The following ATM variants were observed in gnomAD, a reference collection of about 807,000 sequenced individuals.
ATM encodes the protein serine-protein kinase ATM.
Under a neutral mutation model 387.0 loss-of-function variants are expected in ATM, and 308 were observed. That is an observed-to-expected ratio of 0.80 (90% confidence interval 0.73 to 0.87). The LOEUF (loss-of-function observed/expected upper bound fraction) is 0.87, where lower values mean the gene tolerates loss of function less well. ATM is among the 40% of genes least tolerant of loss of function. The pLI is 0.00. For synonymous variants in ATM, 1,156 were observed against 1,187.3 expected (o/e 0.97, Z 0.54); for missense variants, 3,312 against 3,560.9 (o/e 0.93, Z 1.78).
rs1457287827 is a variant in ATM at position 108,366,698 on chromosome 11, G to A, written c.*1190G>A. On this transcript the variant is annotated 3_prime_UTR_variant, in exon 63 of 63. Coordinates refer to ENST00000675843, the MANE Select transcript of ATM (RefSeq NM_000051.4). ...CTGAAGTGTAGCATAAATACTGATA[G>A]GAGATTTCCCAGGCCAAGGCAAACA... The A allele has an allele frequency of 2.6e-5, 6 of 231,252 alleles. No homozygotes were observed. The highest frequency in any genetic ancestry group is 1.1e-4 in the African/African-American group (5 of 45,224). 14.3% of individuals were successfully genotyped at this position (231,252 alleles called of 1,614,324 possible).
rs767406075 is a variant in ATM at position 108,317,391 on chromosome 11, C to T, written c.6217C>T (p.Leu2073Phe). The change falls in exon 43 of 63, where the codon CTC becomes TTC. Residue 2073 changes from leucine (L) to phenylalanine (F), a missense_variant. Physicochemically the swap from Leu to Phe is conservative, Grantham distance 22. Transcript: ENST00000675843. ...GIIQALQNLG[L>F]CHILSVYLKG... ...TGTTTAGGCCTTGCAGAATTTGGGA[C>T]TCTGCCATATTCTTTCCGTCTATTT... is the stretch of plus-strand genomic sequence containing the variant. 4 of 1,611,840 alleles carry T rather than the reference C, an allele frequency of 2.5e-6. No homozygotes were observed. The highest frequency in any genetic ancestry group is 3.4e-6 in the Non-Finnish European group (4 of 1,178,880).
intron 4 of ATM, chr11:108,229,847 ATT>A (rs750166641): frequency 2.2e-4 from 30 of 136,576 alleles, no homozygotes; most frequent in South Asian, 4.7e-4. Context: ...TGCCAGGCTG[ATT>A]TTTTTTTTTT....
intron 56 of ATM, chr11:108,336,177 C>A (rs1359571343): frequency 2.2e-6 from 1 of 461,278 alleles, no homozygotes; most frequent in Non-Finnish European, 3.9e-6. Flanking sequence ...ATGGCATGTG[C>A]TTGTAGTCCC....
intron 42 of ATM, among the ~76,000 whole-genome samples, chr11:108,316,675 C>T (rs1424912632): frequency 2.7e-5 from 4 of 148,782 alleles, no homozygotes; most frequent in Admixed American, 6.8e-5. Flanking sequence ...TTTGGGAGGC[C>T]GAGGCGAGCA....
chr11:108,254,214 CAA>C (rs2080331473), intron 13 of ATM, among the ~76,000 whole-genome samples, 175 bp downstream of exon 13: 1 of 151,952 alleles, frequency 6.6e-6, no homozygotes, highest in African/African-American at 2.4e-5. Flanking sequence ...AAGGAAAACT[CAA>C]GAATAATAAT....
In ATM at chr11:108,289,769, T is replaced by C. The variant is rs1555097801; in HGVS notation, c.4404T>C (p.Val1468=). Residue 1468 remains valine, a synonymous_variant, in exon 29 of 63, where the codon GTT becomes GTC. Coordinates refer to ENST00000675843, the MANE Select transcript of ATM (RefSeq NM_000051.4). ...CTTGGGCCTTTGTTCTTCGAGACGT[T>C]ATTTATACTTTGATTCACTATATCA... ...GGAWAFVLRD[V]IYTLIHYINQ... The C allele has an allele frequency of 6.2e-7, 1 of 1,613,408 alleles. No individual in the cohort carries two copies. Among genetic ancestry groups the C allele is most frequent in the Non-Finnish European group, 8.5e-7 (1 of 1,179,920 alleles).
chr11:108,280,906 C>A, intron 23 of ATM, 89 bp from the exon 24 acceptor site: 2 of 1,246,822 alleles, frequency 1.6e-6, no homozygotes, highest in Non-Finnish European at 2.2e-6. Flanking sequence ...TATAGCTTGT[C>A]AAAAAATCTG....
At chr11:108,357,884 GC>G (rs2090207402) in intron 61 of ATM, among the ~76,000 whole-genome samples, 2 of 151,306 alleles carry the variant, frequency 1.3e-5, no homozygotes, top group African/African-American at 4.9e-5. Flanking sequence ...AAAACGCAGA[GC>G]ACCTCTCCTC....
At chr11:108,270,273 A>G (rs1233478994) in intron 18 of ATM, among the ~76,000 whole-genome samples, 2 of 152,138 alleles carry the variant, frequency 1.3e-5, no homozygotes, top group African/African-American at 4.8e-5. Flanking sequence ...CCTGCCCATG[A>G]TTATCTCTGC....
At position 108,235,674 on chromosome 11, in the gene ATM, AC is replaced by A; in HGVS notation, c.338del (p.Pro113LeufsTer3). 1.9e-6 allele frequency: 3 copies of A among 1,606,720 alleles called. No homozygotes were observed. Among genetic ancestry groups the A allele is most frequent in the Non-Finnish European group, 2.6e-6 (3 of 1,174,082 alleles). The part of the protein sequence containing the change: ...YFIKCANRRA[P>X]RLKCQELLNY... ...TATTTGTTTATTTTGAAATAGGAGCACCTAGGCTAAAATGTCAAGAACTCTT... is the reference window on the plus strand; with the variant it reads ...TATTTGTTTATTTTGAAATAGGAGCACTAGGCTAAAATGTCAAGAACTCTT... On this transcript the variant is annotated frameshift_variant, in exon 5 of 63. Transcript: ENST00000675843. LOFTEE classifies it high-confidence loss of function.
At chr11:108,319,858 TA>T in intron 43 of ATM, 95 bp from the exon 44 acceptor site, 2 of 844,994 alleles carry the variant, frequency 2.4e-6, no homozygotes, top group Non-Finnish European at 3.9e-6. Context: ...GGAGAAATGT[TA>T]ATTTAAAAAT....
chr11:108,308,151 T>G, intron 38 of ATM, 167 bp downstream of exon 38: 1 of 711,458 alleles, frequency 1.4e-6, no homozygotes. Context: ...GGATAGCAGT[T>G]TGGTTAAATC....
intron 16 of ATM, among the ~76,000 whole-genome samples, chr11:108,262,886 A>G (rs1425365667): frequency 6.7e-6 from 1 of 148,476 alleles, no homozygotes; most frequent in Non-Finnish European, 1.5e-5. Flanking sequence ...AGAGACAAAG[A>G]AGGCCATTAC....
chr11:108,359,994 T>C (rs1274131774), intron 61 of ATM, among the ~76,000 whole-genome samples: 3 of 151,670 alleles, frequency 2.0e-5, no homozygotes, highest in East Asian at 1.9e-4. Context: ...TTCAAAAAAT[T>C]AATGAATCCA....
intron 36 of ATM, 31 bp downstream of exon 36, chr11:108,303,060 CTTGT>C: frequency 6.3e-7 from 1 of 1,577,050 alleles, no homozygotes; most frequent in East Asian, 2.2e-5. Flanking sequence ...GATATAATTC[CTTGT>C]TTATGACCTG....
At chr11:108,358,562 T>A (rs1431975458) in intron 61 of ATM, among the ~76,000 whole-genome samples, 3 of 122,420 alleles carry the variant, frequency 2.5e-5, no homozygotes, top group Non-Finnish European at 5.2e-5. Flanking sequence ...CGGGTTACCC[T>A]CAAAGGGAAG....
At chr11:108,247,847 G>A (rs1391407468) in intron 8 of ATM, among the ~76,000 whole-genome samples, 1 of 151,224 alleles carries the variant, frequency 6.6e-6, no homozygotes. Flanking sequence ...TCCTGCATCG[G>A]CCTCCCATAG....
At chr11:108,282,492 T>C (rs1270131216) in intron 24 of ATM, among the ~76,000 whole-genome samples, 1 of 152,156 alleles carries the variant, frequency 6.6e-6, no homozygotes, top group Non-Finnish European at 1.5e-5. Flanking sequence ...TATTTTTATA[T>C]TTTTATTTAC....
At chr11:108,246,794 A>C (rs1395561576) in intron 7 of ATM, among the ~76,000 whole-genome samples, 170 bp from the exon 8 acceptor site, 1 of 152,230 alleles carries the variant, frequency 6.6e-6, no homozygotes, top group Non-Finnish European at 1.5e-5. Flanking sequence ...GACAGTTATG[A>C]AATAGAGTTT....
Sources: allele counts gnomAD v4.1 joint callset (sites outside exome capture counted in the v4.1 genomes callset), GRCh38; gene constraint gnomAD v4.1.1; transcripts MANE v1.5; gene names NCBI Gene and HGNC (gene_info 2026-07-23, HGNC 2026-07-21).